The following MRPS28 variants were observed in gnomAD, a reference collection of about 807,000 sequenced individuals.
MRPS28 encodes the protein mitochondrial ribosomal protein S28.
Under a neutral mutation model 10.8 loss-of-function variants are expected in MRPS28, and 7 were observed. The ratio of observed to expected loss-of-function variants is 0.65; its 90% CI spans 0.37 to 1.22. The LOEUF is 1.22. Ranked by LOEUF, MRPS28 falls within the 50% of genes most tolerant of loss-of-function variation. MRPS28 has a pLI of 0.02. For synonymous variants in MRPS28, 121 were observed against 93.3 expected (o/e 1.30, Z -1.71); for missense variants, 265 against 232.9 (o/e 1.14, Z -0.90).
chr8:79,922,557 C>G (rs1810123006), intron 2 of MRPS28, among the ~76,000 whole-genome samples: 1 of 151,876 alleles, frequency 6.6e-6, no homozygotes, highest in Admixed American at 6.6e-5. Flanking sequence ...ATACATACCT[C>G]AAAATAGCAT....
chr8:80,016,070 C>G (rs1405655780), intron 1 of MRPS28, among the ~76,000 whole-genome samples: 10 of 152,036 alleles, frequency 6.6e-5, no homozygotes, highest in Admixed American at 6.5e-4. Flanking sequence ...AAGGTGTAAA[C>G]TAATGGGAAT....
chr8:80,008,273 C>G lies in MRPS28; in HGVS notation c.214-5093G>C, dbSNP rs368212618. 8.5e-5 allele frequency among the ~76,000 whole-genome samples: 13 copies of G among 152,238 alleles called. No homozygotes were observed. In the East Asian group the frequency reaches 2.3e-3, roughly 27 times the overall value. ...CTTACACCTTATACAAAAATTAATT[C>G]AAGATGGATTAAAGACTTAAATGTT... On this transcript the variant is annotated intron_variant, in intron 1 of 2. Transcript: ENST00000276585.
At chr8:79,943,614 C>T (rs1277857115) in intron 2 of MRPS28, among the ~76,000 whole-genome samples, 1 of 152,116 alleles carries the variant, frequency 6.6e-6, no homozygotes, top group Admixed American at 6.5e-5. Context: ...GTTTTTACTT[C>T]AGAATAATCT....
intron 2 of MRPS28, among the ~76,000 whole-genome samples, chr8:79,924,589 T>C (rs1810184977): frequency 6.6e-6 from 1 of 152,206 alleles, no homozygotes; most frequent in South Asian, 2.1e-4. Flanking sequence ...AACAATTGTA[T>C]CAATTACAAT....
rs751356591 is a variant in MRPS28 at position 80,030,066 on chromosome 8, C to A, written c.183G>T (p.Glu61Asp). ...GTAGGGGCTCCACCTTCTGTAGAAGCTCCGAGTGCCGCTCCAACGCGCTCG... is the reference window on the plus strand; with the variant it reads ...GTAGGGGCTCCACCTTCTGTAGAAGATCCGAGTGCCGCTCCAACGCGCTCG... The part of the protein sequence containing the change: ...GFASALERHS[E>D]LLQKVEPLQK... Residue 61 changes from glutamate to aspartate, a missense_variant, in exon 1 of 3, where the codon GAG becomes GAT. Transcript: ENST00000276585. 2.5e-5 allele frequency: 40 copies of A among 1,613,530 alleles called. No homozygotes were observed. Among genetic ancestry groups the A allele is most frequent in the Non-Finnish European group, 3.3e-5 (39 of 1,179,788 alleles).
rs564765344 is a variant in MRPS28 at position 79,947,889 on chromosome 8, G to A, written c.396-28741C>T. Among the ~76,000 whole-genome samples the A allele has an allele frequency of 7.3e-5, 11 of 151,206 alleles. No homozygotes were observed. The South Asian group carries it at 2.1e-3, about 29-fold the overall frequency. ...CCTGACCTCGTGATCCGCCTGCCTC[G>A]GCCTCCCAAAGTGCTGGGATTACAG... On this transcript the variant is annotated intron_variant, in intron 2 of 2. Transcript: ENST00000276585.
chr8:79,991,323 A>C (rs1431909029), intron 2 of MRPS28, among the ~76,000 whole-genome samples: 1 of 150,768 alleles, frequency 6.6e-6, no homozygotes, highest in Non-Finnish European at 1.5e-5. Context: ...GCTTAAAAAA[A>C]GAACTTTTGC....
intron 2 of MRPS28, among the ~76,000 whole-genome samples, chr8:79,993,387 ACATAAAGCAAATC>A (rs1808417329): frequency 6.6e-6 from 1 of 152,236 alleles, no homozygotes; most frequent in South Asian, 2.1e-4. Flanking sequence ...TGAATATGCT[ACATAAAGCAAATC>A]CATTTTGCAT....
chr8:79,976,876 T>A (rs1454246327), intron 2 of MRPS28, among the ~76,000 whole-genome samples: 1 of 152,178 alleles, frequency 6.6e-6, no homozygotes, highest in Non-Finnish European at 1.5e-5. Context: ...TCTGTTTACA[T>A]AAACCTGAAA....
chr8:79,952,645 C>T (rs1807107391), intron 2 of MRPS28, among the ~76,000 whole-genome samples: 4 of 152,152 alleles, frequency 2.6e-5, no homozygotes. Flanking sequence ...CATCAGGGTC[C>T]TTATTACAGG....
chr8:80,004,869 C>T (rs1452658255), intron 1 of MRPS28, among the ~76,000 whole-genome samples: 3 of 152,000 alleles, frequency 2.0e-5, no homozygotes, highest in South Asian at 4.1e-4. Context: ...TTCGATCAAC[C>T]GGAAGAAAGG....
In MRPS28 at chr8:80,003,058, CAG is replaced by C; in HGVS notation, c.334_335del (p.Leu112ValfsTer13). 1 of 1,612,832 alleles carries C rather than the reference CAG, an allele frequency of 6.2e-7. No individual in the cohort carries two copies. Among genetic ancestry groups the C allele is most frequent in the Non-Finnish European group, 8.5e-7 (1 of 1,179,638 alleles). On this transcript the variant is annotated frameshift_variant, in exon 2 of 3. Coordinates refer to ENST00000276585, the MANE Select transcript of MRPS28 (RefSeq NM_014018.3). LOFTEE classifies it high-confidence loss of function. Reference sequence around the variant, plus strand: ...GAAACTTTCCACCAAAATCTATGTACAGATCATTCTCCACAATATGAAAGATC... The same window carrying C: ...GAAACTTTCCACCAAAATCTATGTACATCATTCTCCACAATATGAAAGATC... ...GRIFHIVEND[L>X]YIDFGGKFHC...
intron 2 of MRPS28, among the ~76,000 whole-genome samples, chr8:79,947,153 T>G (rs1806940041): frequency 6.6e-6 from 1 of 152,074 alleles, no homozygotes; most frequent in African/African-American, 2.4e-5. Flanking sequence ...AAAATTAGTA[T>G]GAAGATGCAG....
chr8:79,979,491 A>G (rs1807892966), intron 2 of MRPS28, among the ~76,000 whole-genome samples: 1 of 152,194 alleles, frequency 6.6e-6, no homozygotes. Context: ...GGACAAAAAA[A>G]TAAAAAATAA....
intron 2 of MRPS28, among the ~76,000 whole-genome samples, chr8:79,970,211 C>T (rs1016502261): frequency 3.3e-5 from 5 of 152,044 alleles, no homozygotes; most frequent in East Asian, 1.9e-4. Flanking sequence ...CTCCAGATCA[C>T]GGGTTTTTTT....
chr8:79,920,131 T>C (rs1810046014), intron 2 of MRPS28, among the ~76,000 whole-genome samples: 1 of 152,182 alleles, frequency 6.6e-6, no homozygotes, highest in Non-Finnish European at 1.5e-5. Context: ...CATCGTTTTT[T>C]ATGGCTGCAT....
chr8:79,948,882 T>C (rs1384395309), intron 2 of MRPS28, among the ~76,000 whole-genome samples: 2 of 152,170 alleles, frequency 1.3e-5, no homozygotes, highest in Non-Finnish European at 2.9e-5. Flanking sequence ...TGTTAAAGAG[T>C]TCTGCATCCA....
intron 2 of MRPS28, among the ~76,000 whole-genome samples, chr8:79,940,777 G>A (rs1806744540): frequency 6.6e-6 from 1 of 152,172 alleles, no homozygotes; most frequent in Non-Finnish European, 1.5e-5. Flanking sequence ...ACAAGGAGGT[G>A]TATTGTACTA....
At chr8:79,964,212 T>A (rs1443247077) in intron 2 of MRPS28, among the ~76,000 whole-genome samples, 1 of 152,090 alleles carries the variant, frequency 6.6e-6, no homozygotes, top group East Asian at 1.9e-4. Flanking sequence ...GTCTGAAGCA[T>A]CAGCAAGGGT....
Sources: gnomAD v4.1 joint callset for allele counts (sites outside exome capture counted in the v4.1 genomes callset) on GRCh38, gnomAD v4.1.1 for gene constraint, MANE v1.5 for transcripts, NCBI Gene and HGNC (gene_info 2026-07-23, HGNC 2026-07-21) for gene names.